GRHL2: variants seen among roughly 807,000 people sequenced by gnomAD.
GRHL2 encodes the protein grainyhead-like protein 2 homolog.
Under a neutral mutation model 83.8 loss-of-function variants are expected in GRHL2, and 21 were observed. That is an observed-to-expected ratio of 0.25 (90% CI 0.18 to 0.36). The LOEUF (loss-of-function observed/expected upper bound fraction) is 0.36, where lower values mean the gene tolerates loss of function less well. Ranked by LOEUF, GRHL2 falls within the 10% of genes least tolerant of loss-of-function variation. GRHL2 has a pLI of 1.00. For synonymous variants in GRHL2, 280 were observed against 278.9 expected, an observed-to-expected ratio of 1.00 and a Z score of -0.04; for missense variants, 623 against 781.8, an observed-to-expected ratio of 0.80 and a Z score of 2.42.
At chr8:101,543,623 C>T in intron 2 of GRHL2, 187 bp downstream of exon 2, 1 of 660,386 alleles carries the variant, frequency 1.5e-6, no homozygotes, top group Non-Finnish European at 2.8e-6. Flanking sequence ...AACTTTATCA[C>T]CCATCCAGAG....
chr8:101,568,556 C>A (rs1170438754), intron 4 of GRHL2, among the ~76,000 whole-genome samples: 1 of 151,892 alleles, frequency 6.6e-6, no homozygotes, highest in Non-Finnish European at 1.5e-5. Flanking sequence ...TCAACATAGA[C>A]TTTCATATAT....
At chr8:101,536,592 G>T (rs1490264449) in intron 1 of GRHL2, among the ~76,000 whole-genome samples, 1 of 152,154 alleles carries the variant, frequency 6.6e-6, no homozygotes, top group Non-Finnish European at 1.5e-5. Flanking sequence ...CCAATAAGTG[G>T]TGCAGCCAAG....
chr8:101,496,570 G>T (rs1810110487), intron 1 of GRHL2, among the ~76,000 whole-genome samples: 1 of 152,094 alleles, frequency 6.6e-6, no homozygotes, highest in Non-Finnish European at 1.5e-5. Flanking sequence ...CTGTGTGTGT[G>T]TTGGGGGTGG....
intron 8 of GRHL2, among the ~76,000 whole-genome samples, chr8:101,607,119 C>A (rs79860990): frequency 1.4e-3 from 208 of 152,332 alleles, no homozygotes; most frequent in African/African-American, 4.9e-3. Flanking sequence ...CCCTCTATCT[C>A]TCTTCCGGTT....
At chr8:101,496,851 A>G (rs1810116702) in intron 1 of GRHL2, among the ~76,000 whole-genome samples, 3 of 152,058 alleles carry the variant, frequency 2.0e-5, no homozygotes, top group African/African-American at 7.2e-5. Flanking sequence ...CCCTGAGGTG[A>G]GAGTGTGGTT....
At chr8:101,548,052 T>C (rs1811300773) in intron 2 of GRHL2, among the ~76,000 whole-genome samples, 1 of 152,216 alleles carries the variant, frequency 6.6e-6, no homozygotes, top group African/African-American at 2.4e-5. Context: ...TAGTGAAAAA[T>C]AGGCTTCCCT....
At chr8:101,631,571 T>C in intron 9 of GRHL2, 66 bp from the exon 10 acceptor site, 1 of 1,218,286 alleles carries the variant, frequency 8.2e-7, no homozygotes, top group Non-Finnish European at 1.2e-6. Context: ...GACTTATGTG[T>C]GACATGACTT....
chr8:101,522,546 A>G (rs2130050691), intron 1 of GRHL2, among the ~76,000 whole-genome samples: 1 of 151,976 alleles, frequency 6.6e-6, no homozygotes, highest in East Asian at 1.9e-4. Context: ...TAACTGTGTA[A>G]TCCCAGGGAA....
At chr8:101,581,276 C>A (rs1812048573) in intron 7 of GRHL2, among the ~76,000 whole-genome samples, 1 of 152,150 alleles carries the variant, frequency 6.6e-6, no homozygotes, top group Non-Finnish European at 1.5e-5. Context: ...AACTGTTTGG[C>A]AGGAGTTGGG....
At chr8:101,535,172 G>A (rs956936326) in intron 1 of GRHL2, among the ~76,000 whole-genome samples, 12 of 152,134 alleles carry the variant, frequency 7.9e-5, no homozygotes, top group Non-Finnish European at 1.6e-4. Context: ...GTGTTACCCT[G>A]GACAACTTAG....
the GRHL2 span, among the ~76,000 whole-genome samples, chr8:101,675,957 A>G: frequency 5.3e-5 from 8 of 151,828 alleles, no homozygotes; most frequent in South Asian, 2.1e-4. Context: ...CAAGCAATGG[A>G]GAAAGGATTC....
At chr8:101,657,874 GA>G (rs1185202927) in intron 14 of GRHL2, among the ~76,000 whole-genome samples, 1 of 151,314 alleles carries the variant, frequency 6.6e-6, no homozygotes, top group African/African-American at 2.4e-5. Flanking sequence ...AAAACACAAA[GA>G]AAAAAACCCA....
At chr8:101,559,331 ACTC>A (rs1383802736) in intron 4 of GRHL2, among the ~76,000 whole-genome samples, 2 of 130,642 alleles carry the variant, frequency 1.5e-5, no homozygotes, top group African/African-American at 5.9e-5. Context: ...AACATGGTGA[ACTC>A]CTGTCTCTAC....
At chr8:101,680,812 G>A in the GRHL2 span, among the ~76,000 whole-genome samples, 1 of 125,952 alleles carries the variant, frequency 7.9e-6, no homozygotes, top group Non-Finnish European at 1.6e-5. Flanking sequence ...TGAACAACCT[G>A]CTCCTGAATG....
chr8:101,674,181 A>G (rs1814253686), downstream of GRHL2, among the ~76,000 whole-genome samples: 1 of 152,192 alleles, frequency 6.6e-6, no homozygotes, highest in African/African-American at 2.4e-5. Flanking sequence ...TTCAAAAGCT[A>G]GCAGAAGGCA....
At position 101,614,270 on chromosome 8, in the gene GRHL2, A is replaced by C. The variant is rs772436407; in HGVS notation, c.1099-5269A>C. Among the ~76,000 whole-genome samples, 17 of 151,218 alleles carry C rather than the reference A, an allele frequency of 1.1e-4. 1 individual carries two copies. Among genetic ancestry groups the C allele is most frequent in the Non-Finnish European group, 2.2e-4 (15 of 68,012 alleles). On this transcript the variant is annotated intron_variant, in intron 8 of 15. Transcript: ENST00000646743. The stretch of plus-strand genomic sequence containing the variant: ...ATGCCAATGTTATGAGACTGCTTCT[A>C]TTTCTGGGAAAGATCTTGGTACATT...
chr8:101,505,010 A>G (rs886144427), intron 1 of GRHL2, among the ~76,000 whole-genome samples: 1 of 151,874 alleles, frequency 6.6e-6, no homozygotes, highest in Non-Finnish European at 1.5e-5. Context: ...TAAAAATACA[A>G]CAACAAAAAA....
At chr8:101,628,887 A>G (rs879743518) in intron 9 of GRHL2, among the ~76,000 whole-genome samples, 22 of 152,200 alleles carry the variant, frequency 1.4e-4, no homozygotes, top group African/African-American at 5.1e-4. Flanking sequence ...CTGCAATCTC[A>G]TAAGAAAACT....
chr8:101,541,676 T>C (rs1563571553), intron 1 of GRHL2, among the ~76,000 whole-genome samples: 1 of 152,098 alleles, frequency 6.6e-6, no homozygotes, highest in African/African-American at 2.4e-5. Context: ...TCCATTTCAA[T>C]GAACAAGCAT....
Sources: gnomAD v4.1 joint callset for allele counts (sites outside exome capture counted in the v4.1 genomes callset) on GRCh38, gnomAD v4.1.1 for gene constraint, MANE v1.5 for transcripts, NCBI Gene and HGNC (gene_info 2026-07-23, HGNC 2026-07-21) for gene names.